ELP1: variants seen among roughly 807,000 people sequenced by gnomAD.
ELP1 encodes the protein elongator acetyltransferase complex subunit 1.
A neutral mutation model predicts 183.2 loss-of-function variants in ELP1; 131 were observed. That is an observed-to-expected ratio of 0.72 (90% CI 0.62 to 0.83). ELP1 has a LOEUF of 0.83. Among genes scored for constraint, ELP1 ranks in the 40% least tolerant of loss-of-function variants. ELP1 has a pLI of 0.00. For synonymous variants in ELP1, 555 were observed against 569.0 expected, an observed-to-expected ratio of 0.98 and a Z score of 0.35; for missense variants, 1,550 against 1,594.9, an observed-to-expected ratio of 0.97 and a Z score of 0.48.
chr9:108,882,051 C>G (rs1374585188), intron 30 of ELP1, 74 bp downstream of exon 30: 3 of 1,254,814 alleles, frequency 2.4e-6, no homozygotes, highest in Non-Finnish European at 3.5e-6. Context: ...ACAAGAGATT[C>G]CAACTGACCT....
intron 4 of ELP1, 146 bp from the exon 5 acceptor site, chr9:108,926,749 C>A (rs937852898): frequency 5.9e-5 from 40 of 675,184 alleles, no homozygotes; most frequent in Non-Finnish European, 1.0e-4. Flanking sequence ...CTTAAAAAAA[C>A]AACAATGACA....
intron 2 of ELP1, among the ~76,000 whole-genome samples, 164 bp from the exon 3 acceptor site, chr9:108,930,085 C>T (rs1829950048): frequency 6.6e-6 from 1 of 152,188 alleles, no homozygotes; most frequent in African/African-American, 2.4e-5. Context: ...TATCACTACT[C>T]TGTCATCTCT....
At chr9:108,923,684 A>C (rs1829736105) in intron 5 of ELP1, among the ~76,000 whole-genome samples, 1 of 152,186 alleles carries the variant, frequency 6.6e-6, no homozygotes, top group African/African-American at 2.4e-5. Context: ...TTAGAGATTG[A>C]GACCCTCCCT....
intron 25 of ELP1, among the ~76,000 whole-genome samples, chr9:108,895,936 C>T (rs1373608076): frequency 6.6e-6 from 1 of 152,156 alleles, no homozygotes; most frequent in Non-Finnish European, 1.5e-5. Context: ...AATTAGCTCA[C>T]ACATATGCCC....
At chr9:108,878,880 T>A (rs1320843025) in intron 33 of ELP1, 130 bp from the exon 34 acceptor site, 2 of 939,684 alleles carry the variant, frequency 2.1e-6, no homozygotes, top group Non-Finnish European at 3.3e-6. Flanking sequence ...CCATTTTAAA[T>A]TCCTAAAGCA....
At chr9:108,921,368 T>G (rs1047312512) in intron 6 of ELP1, among the ~76,000 whole-genome samples, 1 of 152,206 alleles carries the variant, frequency 6.6e-6, no homozygotes, top group Non-Finnish European at 1.5e-5. Context: ...TATGTGATCT[T>G]TTATGACTGG....
chr9:108,908,401 T>C lies in ELP1; in HGVS notation c.1364A>G (p.Asp455Gly), dbSNP rs149685738. 1.3e-4 allele frequency: 214 copies of C among 1,613,504 alleles called. No individual in the cohort carries two copies. In the African/African-American group the frequency reaches 2.5e-3, roughly 19 times the overall value. ...CACTGTAGGGTCAGCACTTGGACAA[T>C]CACCTGGAAAACAAAAATGCAAATA... ...SNQISVYKCGDCPSADPTVKL... is the reference protein window; with the variant it reads ...SNQISVYKCGGCPSADPTVKL... Residue 455 changes from aspartate (D) to glycine (G), a missense_variant, in exon 13 of 37, where the codon GAT (aspartate) becomes GGT (glycine). Physicochemically the swap from Asp to Gly is moderately conservative, Grantham distance 94. Coordinates refer to ENST00000374647, the MANE Select transcript of ELP1 (RefSeq NM_003640.5).
chr9:108,891,908 C>T (rs1186741858), intron 27 of ELP1, among the ~76,000 whole-genome samples: 2 of 152,136 alleles, frequency 1.3e-5, no homozygotes, highest in African/African-American at 4.8e-5. Flanking sequence ...CATGGCCATG[C>T]AGCAGGAATG....
At position 108,868,756 on chromosome 9, in the gene ELP1, G is replaced by A; in HGVS notation, c.*359C>T. 1.8e-6 allele frequency: 1 copy of A among 555,510 alleles called. No individual in the cohort carries two copies. The highest frequency in any genetic ancestry group is 3.2e-6 in the Non-Finnish European group (1 of 315,682). 34.4% of individuals were successfully genotyped at this position (555,510 alleles called of 1,614,324 possible). A position where few individuals can be genotyped will look rare whatever the true frequency, so the allele number is the denominator to read the frequency against. ...GTAATCTTCTCCGCCAACAAAATAAGACAATTTAGAAACATTGTTTTACTT... is the reference window on the plus strand; with the variant it reads ...GTAATCTTCTCCGCCAACAAAATAAAACAATTTAGAAACATTGTTTTACTT... On this transcript the variant is annotated 3_prime_UTR_variant, in exon 37 of 37. Coordinates refer to ENST00000374647, the MANE Select transcript of ELP1 (RefSeq NM_003640.5).
intron 36 of ELP1, among the ~76,000 whole-genome samples, chr9:108,873,847 C>T (rs1355967623): frequency 6.6e-6 from 1 of 151,898 alleles, no homozygotes; most frequent in Non-Finnish European, 1.5e-5. Flanking sequence ...ATATTAAGAC[C>T]CCATCTGTTT....
intron 6 of ELP1, among the ~76,000 whole-genome samples, chr9:108,922,224 A>T (rs915584410): frequency 3.0e-4 from 46 of 152,208 alleles, no homozygotes; most frequent in African/African-American, 1.0e-3. Context: ...AAAATAAAAT[A>T]TAAGAGTTTA....
Position 108,874,983 on chromosome 9 carries a change from T to G in ELP1, c.3856-13A>C, listed in dbSNP as rs753943910. 1 of 1,569,442 alleles carries G rather than the reference T, an allele frequency of 6.4e-7. No individual in the cohort carries two copies. Among genetic ancestry groups the G allele is most frequent in the South Asian group, 1.1e-5 (1 of 90,156 alleles). On this transcript the variant is annotated splice_polypyrimidine_tract_variant and intron_variant, in intron 35 of 36. Coordinates refer to ENST00000374647, the MANE Select transcript of ELP1 (RefSeq NM_003640.5). ...TGGGACCTAGAACCTGAGGAGAAAA[T>G]AGACTGTATCAGCAAAGATTATCTA...
In ELP1 at chr9:108,917,618, T is replaced by A; in HGVS notation, c.793A>T (p.Ile265Phe). 1 of 1,613,692 alleles carries A rather than the reference T, an allele frequency of 6.2e-7. No individual in the cohort carries two copies. Among genetic ancestry groups the A allele is most frequent in the Non-Finnish European group, 8.5e-7 (1 of 1,179,660 alleles). The stretch of plus-strand genomic sequence containing the variant: ...AGTCCATTTTTCTCAAAAAACACAA[T>A]ATCCTGCTGGTTGGGTTTATCTTGT... ...STQDKPNQQD[I>F]VFFEKNGLLH... The change falls in exon 9 of 37, where the codon ATT becomes TTT. Residue 265 changes from isoleucine to phenylalanine, a missense_variant. Coordinates refer to ENST00000374647, the MANE Select transcript of ELP1 (RefSeq NM_003640.5).
Position 108,917,580 on chromosome 9 carries a change from G to C in ELP1, c.831C>G (p.His277Gln). Residue 277 changes from histidine to glutamine, a missense_variant, in exon 9 of 37, where the codon CAC (histidine) becomes CAG (glutamine). Transcript: ENST00000374647. Reference sequence around the variant, plus strand: ...CATCTTTAAGGAAGGGAAGTGTAAAGTGTCCATGAAGGAGTCCATTTTTCT... The same window carrying C: ...CATCTTTAAGGAAGGGAAGTGTAAACTGTCCATGAAGGAGTCCATTTTTCT... ...FFEKNGLLHGHFTLPFLKDEV... is the reference protein window; with the variant it reads ...FFEKNGLLHGQFTLPFLKDEV... 6.2e-7 allele frequency: 1 copy of C among 1,613,846 alleles called. No homozygotes were observed. The highest frequency in any genetic ancestry group is 1.1e-5 in the South Asian group (1 of 91,062).
chr9:108,872,803 TGAAAAAAAAAAAAAAAAAAAAAAA>T (rs1412572478), intron 36 of ELP1, among the ~76,000 whole-genome samples: 114 of 62,816 alleles, frequency 1.8e-3, no homozygotes, highest in African/African-American at 8.7e-3. Context: ...AGACTCTGTC[TGAAAAAAAAAAAAAAAAAAAAAAA>T]AAAAAAAAAA....
At chr9:108,876,579 C>T (rs1405072408) in intron 35 of ELP1, among the ~76,000 whole-genome samples, 1 of 152,158 alleles carries the variant, frequency 6.6e-6, no homozygotes, top group Admixed American at 6.5e-5. Context: ...ACCCTTCTAT[C>T]CACTGCTTGT....
At chr9:108,913,295 A>G (rs956821190) in intron 10 of ELP1, among the ~76,000 whole-genome samples, 18 of 152,204 alleles carry the variant, frequency 1.2e-4, no homozygotes, top group African/African-American at 2.9e-4. Flanking sequence ...GTTCAAGGCT[A>G]TCTGGGTATT....
rs775668128 is a variant in ELP1, at chr9:108,917,573, G to C, written c.838C>G (p.Leu280Val). The C allele has an allele frequency of 6.2e-7, 1 of 1,613,888 alleles. No homozygotes were observed. The highest frequency in any genetic ancestry group is 8.5e-7 in the Non-Finnish European group (1 of 1,179,948). The change falls in exon 9 of 37, where the codon CTT becomes GTT. Residue 280 changes from leucine (L) to valine (V), a missense_variant. Leu to Val is a conservative substitution (Grantham distance 32). Coordinates refer to ENST00000374647, the MANE Select transcript of ELP1 (RefSeq NM_003640.5). ...KNGLLHGHFTLPFLKDEVKVN... is the reference protein window; with the variant it reads ...KNGLLHGHFTVPFLKDEVKVN... ...TTAACCTCATCTTTAAGGAAGGGAAGTGTAAAGTGTCCATGAAGGAGTCCA... is the reference window on the plus strand; with the variant it reads ...TTAACCTCATCTTTAAGGAAGGGAACTGTAAAGTGTCCATGAAGGAGTCCA...
chr9:108,927,034 C>T (rs966733713), intron 4 of ELP1, among the ~76,000 whole-genome samples: 4 of 152,164 alleles, frequency 2.6e-5, no homozygotes, highest in Non-Finnish European at 5.9e-5. Context: ...AGTTAAAATA[C>T]ATATTGCTGA....
Sources: allele counts gnomAD v4.1 joint callset (sites outside exome capture counted in the v4.1 genomes callset), GRCh38; gene constraint gnomAD v4.1.1; transcripts MANE v1.5; gene names NCBI Gene and HGNC (gene_info 2026-07-23, HGNC 2026-07-21).